ANKFN1: variants seen among roughly 807,000 people sequenced by gnomAD.
ANKFN1 encodes the protein ankyrin repeat and fibronectin type-III domain-containing protein 1.
A neutral mutation model predicts 108.7 loss-of-function variants in ANKFN1; 74 were observed. The ratio of observed to expected loss-of-function variants is 0.68; its 90% CI spans 0.56 to 0.83. ANKFN1 has a LOEUF of 0.83. Ranked by LOEUF, ANKFN1 falls within the 40% of genes least tolerant of loss-of-function variation. The probability of loss-of-function intolerance (pLI) is 0.00; values close to 1 mark genes in which losing one functional copy is unlikely to be tolerated. For synonymous variants in ANKFN1, 547 were observed against 516.2 expected, an observed-to-expected ratio of 1.06 and a Z score of -0.81; for missense variants, 1,505 against 1,382.3, an observed-to-expected ratio of 1.09 and a Z score of -1.41.
At chr17:56,400,907 G>T (rs1253829045) in intron 8 of ANKFN1, among the ~76,000 whole-genome samples, 4 of 151,810 alleles carry the variant, frequency 2.6e-5, no homozygotes, top group African/African-American at 9.7e-5. Context: ...TAAGTATTTG[G>T]GTTATTTCTG....
At position 56,046,673 on chromosome 17, in the gene ANKFN1, G is replaced by A. The variant is rs191809786; in HGVS notation, c.288+348G>A. On this transcript the variant is annotated intron_variant, in intron 4 of 12. Transcript: ENST00000635860. ...TCTTTCCCAAGTTTCTTTTGCAGAT[G>A]TGTGGATCTCTATTTCTTTGCTATC... 2.3e-3 allele frequency among the ~76,000 whole-genome samples: 348 copies of A among 152,300 alleles called. 1 individual carries two copies. Among genetic ancestry groups the A allele is most frequent in the Non-Finnish European group, 3.4e-3 (234 of 68,024 alleles).
intron 19 of ANKFN1, among the ~76,000 whole-genome samples, chr17:56,494,584 AAAG>A (rs1473901360): frequency 3.9e-5 from 6 of 152,050 alleles, no homozygotes; most frequent in Admixed American, 2.0e-4. Flanking sequence ...TAAAAAATAA[AAAG>A]AAGTCAAGGA....
intron 17 of ANKFN1, among the ~76,000 whole-genome samples, chr17:56,481,082 C>CAAA (rs11439875): frequency 0.15 from 9,821 of 65,446 alleles, 698 homozygotes; most frequent in African/African-American, 0.23. Context: ...GTCTGGTCAG[C>CAAA]AAAAAAAAAA....
chr17:56,067,465 G>A (rs1454398040), intron 4 of ANKFN1, among the ~76,000 whole-genome samples: 1 of 152,020 alleles, frequency 6.6e-6, no homozygotes, highest in East Asian at 1.9e-4. Context: ...CATACATGAA[G>A]CCTCAACTAC....
chr17:56,477,163 CA>C (rs1210361138), intron 15 of ANKFN1, among the ~76,000 whole-genome samples: 1 of 152,132 alleles, frequency 6.6e-6, no homozygotes, highest in Non-Finnish European at 1.5e-5. Context: ...CAGAAATTAT[CA>C]ACTCAATTTT....
chr17:56,516,456 A>G lies in ANKFN1; in HGVS notation c.*5187A>G, dbSNP rs892521152. Among the ~76,000 whole-genome samples, 8 of 152,188 alleles carry G rather than the reference A, an allele frequency of 5.3e-5. No homozygotes were observed. The highest frequency in any genetic ancestry group is 1.2e-4 in the Non-Finnish European group (8 of 68,034). On this transcript the variant is annotated 3_prime_UTR_variant, in exon 21 of 21. Transcript: ENST00000682825. ...TATTGCTATGTATGCAACTGAGTGT[A>G]TGTTAAAGTTTAGACTTCAGTACGC...
At chr17:56,115,429 A>G (rs190984399) in intron 4 of ANKFN1, among the ~76,000 whole-genome samples, 22 of 152,312 alleles carry the variant, frequency 1.4e-4, no homozygotes, top group African/African-American at 4.8e-4. Flanking sequence ...CATCCAGTAT[A>G]TACCAATCAT....
intron 1 of ANKFN1, among the ~76,000 whole-genome samples, chr17:56,202,355 T>C (rs1914140786): frequency 6.6e-6 from 1 of 152,178 alleles, no homozygotes; most frequent in African/African-American, 2.4e-5. Flanking sequence ...CCAGTCTGGG[T>C]GGCTTTTGTA....
At chr17:56,353,728 A>G (rs2046306009) in intron 5 of ANKFN1, 108 bp from the exon 6 acceptor site, 14 of 913,958 alleles carry the variant, frequency 1.5e-5, no homozygotes, top group Non-Finnish European at 2.4e-5. Flanking sequence ...TATTCCACTT[A>G]TAAGTGGACA....
At chr17:56,107,336 G>T (rs1905769430) in intron 4 of ANKFN1, among the ~76,000 whole-genome samples, 1 of 152,062 alleles carries the variant, frequency 6.6e-6, no homozygotes, top group South Asian at 2.1e-4. Flanking sequence ...TTGTCAAAAT[G>T]CTCCATCCAT....
At chr17:56,112,440 A>G (rs1410770290) in intron 4 of ANKFN1, among the ~76,000 whole-genome samples, 2 of 152,026 alleles carry the variant, frequency 1.3e-5, no homozygotes, top group East Asian at 3.9e-4. Flanking sequence ...TAATTACTAA[A>G]GTAATACTTG....
intron 3 of ANKFN1, among the ~76,000 whole-genome samples, chr17:56,246,869 A>G (rs1231256106): frequency 1.3e-5 from 2 of 152,186 alleles, no homozygotes; most frequent in South Asian, 4.1e-4. Flanking sequence ...AAACTGAAAA[A>G]GCATTATAAA....
chr17:56,389,943 A>T (rs1305740940), intron 8 of ANKFN1, among the ~76,000 whole-genome samples: 1 of 151,904 alleles, frequency 6.6e-6, no homozygotes, highest in African/African-American at 2.4e-5. Flanking sequence ...TGCTGAGTAC[A>T]TTGCCTCTCC....
rs35100387 is a variant in ANKFN1, at chr17:56,056,376, C to CA, written c.288+10065dup. 6.0e-3 allele frequency among the ~76,000 whole-genome samples: 815 copies of CA among 135,144 alleles called. 3 individuals carry two copies. The highest frequency in any genetic ancestry group is 0.027 in the South Asian group (111 of 4,128). The allele number at this position is 135,144 out of a possible 152,430, so 88.7% of individuals were successfully genotyped here. Reference sequence around the variant, plus strand: ...CCTGAATAGTCAAAACAATTCTAAGCAAAAAAAAAAAAAAGCCAGAGGGAT... The same window carrying CA: ...CCTGAATAGTCAAAACAATTCTAAGCAAAAAAAAAAAAAAAGCCAGAGGGAT... On this transcript the variant is annotated intron_variant, in intron 4 of 12. Transcript: ENST00000635860.
intron 3 of ANKFN1, among the ~76,000 whole-genome samples, chr17:56,298,677 C>A (rs1347037037): frequency 6.7e-6 from 1 of 148,718 alleles, no homozygotes; most frequent in East Asian, 2.0e-4. Flanking sequence ...CACAATATTT[C>A]TTTATATATA....
intron 3 of ANKFN1, among the ~76,000 whole-genome samples, chr17:56,273,199 A>T (rs1196681660): frequency 2.0e-5 from 3 of 152,228 alleles, no homozygotes; most frequent in Non-Finnish European, 2.9e-5. Flanking sequence ...CTAAATTTAT[A>T]TGTACCTTCA....
chr17:56,425,184 T>C (rs1301527630), intron 8 of ANKFN1, among the ~76,000 whole-genome samples: 1 of 151,974 alleles, frequency 6.6e-6, no homozygotes, highest in South Asian at 2.1e-4. Flanking sequence ...TGAGAGCTTG[T>C]GATGCTGTGA....
intron 19 of ANKFN1, among the ~76,000 whole-genome samples, chr17:56,493,455 A>T (rs779031105): frequency 6.6e-6 from 1 of 152,208 alleles, no homozygotes. Flanking sequence ...CAGACAGAGC[A>T]GAAAAATAGT....
chr17:56,480,658 C>G lies in ANKFN1; in HGVS notation c.1941-10C>G. 1 of 1,613,034 alleles carries G rather than the reference C, an allele frequency of 6.2e-7. No homozygotes were observed. The highest frequency in any genetic ancestry group is 1.3e-5 in the African/African-American group (1 of 74,932). On this transcript the variant is annotated splice_polypyrimidine_tract_variant and intron_variant, in intron 16 of 20. Transcript: ENST00000682825. ...TTATATTTCTAATTTTAACTTGACT[C>G]AACATACAGAGAGGAATGGGAATGG...
Sources: gnomAD v4.1 joint callset for allele counts (sites outside exome capture counted in the v4.1 genomes callset) on GRCh38, gnomAD v4.1.1 for gene constraint, MANE v1.5 for transcripts, NCBI Gene and HGNC (gene_info 2026-07-23, HGNC 2026-07-21) for gene names.